The following FSHR variants were observed in gnomAD, a reference collection of about 807,000 sequenced individuals.
The protein encoded by FSHR is follicle-stimulating hormone receptor.
Under a neutral mutation model 52.1 loss-of-function variants are expected in FSHR, and 46 were observed. The ratio of observed to expected loss-of-function variants is 0.88; its 90% CI spans 0.70 to 1.13. FSHR has a LOEUF of 1.13. Ranked by LOEUF, FSHR falls within the 50% of genes most tolerant of loss-of-function variation. The probability of loss-of-function intolerance (pLI) is 0.00; values close to 1 mark genes in which losing one functional copy is unlikely to be tolerated. For missense variants in FSHR, 964 were observed against 834.6 expected, an observed-to-expected ratio of 1.16 and a Z score of -1.91; for synonymous variants, 399 against 309.6, an observed-to-expected ratio of 1.29 and a Z score of -3.03.
At chr2:49,014,854 C>T (rs760842475) in intron 4 of FSHR, 3 of 461,062 alleles carry the variant, frequency 6.5e-6, no homozygotes, top group Non-Finnish European at 1.3e-5. Flanking sequence ...GGGGATGCCT[C>T]TTCATGTCCT....
chr2:48,963,847 C>A lies in FSHR; in HGVS notation c.974G>T (p.Gly325Val), dbSNP rs1336105746. The A allele has an allele frequency of 6.8e-6, 11 of 1,614,132 alleles. No individual in the cohort carries two copies. Among genetic ancestry groups the A allele is most frequent in the Admixed American group, 1.7e-5 (1 of 60,016 alleles). Residue 325 changes from glycine (G) to valine (V), a missense_variant, in exon 10 of 10, where the codon GGA becomes GTA. Coordinates refer to ENST00000406846, the MANE Select transcript of FSHR (RefSeq NM_000145.4). ...AEDNESSYSR[G>V]FDMTYTEFDY... ...AAACTCAGTGTACGTCATGTCAAATCCTCTGCTGTAGCTGGACTCATTGTC... is the reference window on the plus strand; with the variant it reads ...AAACTCAGTGTACGTCATGTCAAATACTCTGCTGTAGCTGGACTCATTGTC...
chr2:49,005,444 C>A (rs549935206), intron 4 of FSHR, among the ~76,000 whole-genome samples: 28 of 152,218 alleles, frequency 1.8e-4, no homozygotes, highest in African/African-American at 6.3e-4. Flanking sequence ...GTCATGGCAA[C>A]ATCCTTAGAT....
intron 1 of FSHR, among the ~76,000 whole-genome samples, chr2:49,074,233 A>C (rs1227294809): frequency 6.6e-6 from 1 of 152,116 alleles, no homozygotes; most frequent in Admixed American, 6.5e-5. Flanking sequence ...GAAAACAAAA[A>C]ACAGAATGAA....
intron 1 of FSHR, among the ~76,000 whole-genome samples, chr2:49,118,207 T>G (rs537137360): frequency 6.7e-6 from 1 of 150,152 alleles, no homozygotes; most frequent in African/African-American, 2.5e-5. Flanking sequence ...CCAGCAGGAG[T>G]TGAGAGATGT....
At chr2:48,966,910 G>T (rs1364510108) in intron 9 of FSHR, among the ~76,000 whole-genome samples, 6 of 152,160 alleles carry the variant, frequency 3.9e-5, no homozygotes, top group Non-Finnish European at 1.5e-5. Context: ...GAGCCGAGTG[G>T]TCTGGAGGGA....
Position 48,963,589 on chromosome 2 carries a change from A to G in FSHR, c.1232T>C (p.Ile411Thr), listed in dbSNP as rs773293376. ...MCNLAFADLCIGIYLLLIASV... is the reference protein window; with the variant it reads ...MCNLAFADLCTGIYLLLIASV... ...TGCAATGAGCAGCAGGTAGATTCCA[A>G]TGCAGAGATCAGCAAAGGCCAGGTT... Residue 411 changes from isoleucine to threonine, a missense_variant, in exon 10 of 10, where the codon ATT becomes ACT. Coordinates refer to ENST00000406846, the MANE Select transcript of FSHR (RefSeq NM_000145.4). 5.6e-6 allele frequency: 9 copies of G among 1,614,096 alleles called. No homozygotes were observed. The highest frequency in any genetic ancestry group is 2.2e-5 in the East Asian group (1 of 44,888).
intron 2 of FSHR, among the ~76,000 whole-genome samples, chr2:49,038,591 C>T (rs561010909): frequency 1.4e-5 from 2 of 146,836 alleles, no homozygotes; most frequent in South Asian, 2.2e-4. Context: ...CGCCACTGCA[C>T]TCCAGCCTGG....
At chr2:49,123,208 A>C (rs1278006107) in intron 1 of FSHR, among the ~76,000 whole-genome samples, 1 of 152,216 alleles carries the variant, frequency 6.6e-6, no homozygotes, top group Non-Finnish European at 1.5e-5. Flanking sequence ...GTGAGAATTT[A>C]AAATGTTTTC....
At chr2:49,064,386 A>G (rs1334028327) in intron 2 of FSHR, among the ~76,000 whole-genome samples, 1 of 152,080 alleles carries the variant, frequency 6.6e-6, no homozygotes, top group East Asian at 1.9e-4. Flanking sequence ...GTTGCCATTA[A>G]AAAGGGCTTT....
rs1263635110 is a variant in FSHR at position 48,983,137 on chromosome 2, A to G, written c.554T>C (p.Ile185Thr). 1 of 1,614,108 alleles carries G rather than the reference A, an allele frequency of 6.2e-7. No individual in the cohort carries two copies. The highest frequency in any genetic ancestry group is 8.5e-7 in the Non-Finnish European group (1 of 1,179,992). Reference protein sequence around the residue: ...LWLNKNGIQEIHNCAFNGTQL... With the variant: ...LWLNKNGIQETHNCAFNGTQL... ...GGTTCCATTGAATGCACAGTTGTGT[A>G]TTTCTTGAATCCCATTCTTATTCAG... Residue 185 changes from isoleucine (I) to threonine (T), a missense_variant, in exon 7 of 10, where the codon ATA becomes ACA. By Grantham distance (89) the Ile-to-Thr change is moderately conservative. Transcript: ENST00000406846.
chr2:49,137,741 A>C (rs966665070), intron 1 of FSHR, among the ~76,000 whole-genome samples: 2 of 152,172 alleles, frequency 1.3e-5, no homozygotes, highest in Non-Finnish European at 2.9e-5. Context: ...GGGACAATTA[A>C]ATATTCACAT....
In FSHR at chr2:49,149,836, G is replaced by C. The variant is rs571912987; in HGVS notation, c.152+4430C>G. On this transcript the variant is annotated intron_variant, in intron 1 of 9. Coordinates refer to ENST00000406846, the MANE Select transcript of FSHR (RefSeq NM_000145.4). ...AATTAGAAGTAAATGCTAGTGAAAA[G>C]AGATTGCAATGAGATATGGGAACTT... Among the ~76,000 whole-genome samples, 3 of 152,162 alleles carry C rather than the reference G, an allele frequency of 2.0e-5. No homozygotes were observed. In the East Asian group the frequency reaches 5.8e-4, roughly 29 times the overall value.
intron 2 of FSHR, 74 bp from the exon 3 acceptor site, chr2:49,020,234 G>A (rs1309587056): frequency 3.2e-6 from 4 of 1,235,080 alleles, no homozygotes; most frequent in Non-Finnish European, 4.8e-6. Context: ...TCAGCATAGA[G>A]CCTTGTGTCT....
intron 1 of FSHR, among the ~76,000 whole-genome samples, chr2:49,104,087 T>C (rs1671138767): frequency 6.6e-6 from 1 of 151,374 alleles, no homozygotes; most frequent in South Asian, 2.1e-4. Context: ...CCAGTAAGAG[T>C]ATAGGAAAGG....
chr2:49,036,818 G>C (rs1214290501), intron 2 of FSHR, among the ~76,000 whole-genome samples: 3 of 152,152 alleles, frequency 2.0e-5, no homozygotes, highest in African/African-American at 7.2e-5. Flanking sequence ...GGCTGACATG[G>C]AAGTCTGAGA....
At chr2:49,114,959 A>G (rs1410249588) in intron 1 of FSHR, among the ~76,000 whole-genome samples, 1 of 151,802 alleles carries the variant, frequency 6.6e-6, no homozygotes, top group African/African-American at 2.4e-5. Context: ...CTAAAACCAA[A>G]ATGCTAGAAT....
At chr2:49,068,456 A>G (rs1205093673) in intron 1 of FSHR, among the ~76,000 whole-genome samples, 166 bp from the exon 2 acceptor site, 1 of 152,046 alleles carries the variant, frequency 6.6e-6, no homozygotes, top group Non-Finnish European at 1.5e-5. Flanking sequence ...ACAACTAGTG[A>G]TACTGAAACT....
chr2:49,130,931 A>G (rs944525239), intron 1 of FSHR, among the ~76,000 whole-genome samples: 1 of 152,328 alleles, frequency 6.6e-6, no homozygotes, highest in South Asian at 2.1e-4. Context: ...CAAAGCCCCA[A>G]TTATGATTCC....
intron 1 of FSHR, among the ~76,000 whole-genome samples, chr2:49,130,009 A>G (rs920831812): frequency 1.2e-4 from 18 of 152,160 alleles, no homozygotes; most frequent in African/African-American, 2.9e-4. Flanking sequence ...TATTTGTGCT[A>G]TGTTATAAAC....
Sources: gnomAD v4.1 joint callset for allele counts (sites outside exome capture counted in the v4.1 genomes callset) on GRCh38, gnomAD v4.1.1 for gene constraint, MANE v1.5 for transcripts, NCBI Gene and HGNC (gene_info 2026-07-23, HGNC 2026-07-21) for gene names.